Variants in TCF25 observed in about 807,000 individuals in gnomAD.
The protein encoded by TCF25 is ribosome quality control complex subunit TCF25.
In TCF25, 41 loss-of-function variants were observed where a neutral mutation model predicts 83.1. That is an observed-to-expected ratio of 0.49 (90% confidence interval 0.38 to 0.64). TCF25 has a LOEUF of 0.64. TCF25 is among the 30% of genes least tolerant of loss of function. The pLI is 0.00. For synonymous variants in TCF25, 458 were observed against 365.0 expected, an observed-to-expected ratio of 1.25 and a Z score of -2.90; for missense variants, 979 against 914.5, an observed-to-expected ratio of 1.07 and a Z score of -0.91.
chr16:89,909,675 C>CA (rs570932821), intron 16 of TCF25: 17,827 of 89,910 alleles, frequency 0.2, 1,663 homozygotes, highest in Middle Eastern at 0.44. Flanking sequence ...GACTCCATCT[C>CA]AAAAAAAAAA....
At position 89,911,230 on chromosome 16, in the gene TCF25, T is replaced by G. The variant is rs1347106912; in HGVS notation, c.2023T>G (p.Trp675Gly). ...HEDDAEGEGE[W>G]D ...GGACGACGCTGAGGGGGAGGGGGAG[T>G]GGGACTGAGCGTCCGCAGAGGTGAC... Residue 675 changes from tryptophan (W) to glycine (G), a missense_variant, in exon 18 of 18, where the codon TGG becomes GGG. Physicochemically the swap from Trp to Gly is radical, Grantham distance 184. Transcript: ENST00000263346. 3.1e-6 allele frequency: 5 copies of G among 1,610,814 alleles called. No individual in the cohort carries two copies. Among genetic ancestry groups the G allele is most frequent in the Non-Finnish European group, 4.2e-6 (5 of 1,179,588 alleles).
At chr16:89,873,973 A>T in intron 1 of TCF25, 114 bp downstream of exon 1, 1 of 1,192,666 alleles carries the variant, frequency 8.4e-7, no homozygotes, top group African/African-American at 1.7e-5. Context: ...GGGAAGGGTG[A>T]CGTGGGTCCC....
intron 7 of TCF25, 138 bp from the exon 8 acceptor site, chr16:89,894,900 C>A: frequency 1.6e-6 from 1 of 623,968 alleles, no homozygotes. Flanking sequence ...CTGCCTCAGC[C>A]TCCCAAAGTG....
chr16:89,898,801 C>G lies in TCF25; in HGVS notation c.1150C>G (p.Leu384Val). 6.2e-7 allele frequency: 1 copy of G among 1,613,954 alleles called. No individual in the cohort carries two copies. The highest frequency in any genetic ancestry group is 8.5e-7 in the Non-Finnish European group (1 of 1,180,048). ...GGATGAGGACCCCCTCTGCATGCTG[C>G]TGCTCATCGACCACCTGGCCTTGCG... The part of the protein sequence containing the change: ...EPDEDPLCML[L>V]LIDHLALRAR... Residue 384 changes from leucine (L) to valine (V), a missense_variant, in exon 11 of 18, where the codon CTG becomes GTG. Transcript: ENST00000263346.
At chr16:89,908,995 T>G in intron 16 of TCF25, 3 of 1,289,462 alleles carry the variant, frequency 2.3e-6, no homozygotes, top group Non-Finnish European at 3.0e-6. Context: ...AACAGTGTTA[T>G]TTGGGGGTCA....
chr16:89,900,806 C>G lies in TCF25; in HGVS notation c.1381+12C>G, dbSNP rs372906362. The stretch of plus-strand genomic sequence containing the variant: ...CATGTTCCCTGGAGGTGAGTGAGCG[C>G]TGTGTCTCGCCTGGGGTAGGGGTGT... On this transcript the variant is annotated intron_variant, in intron 12 of 17. Coordinates refer to ENST00000263346, the MANE Select transcript of TCF25 (RefSeq NM_014972.3). The G allele has an allele frequency of 1.9e-6, 3 of 1,562,904 alleles. No individual in the cohort carries two copies. Among genetic ancestry groups the G allele is most frequent in the Non-Finnish European group, 2.6e-6 (3 of 1,139,912 alleles).
chr16:89,898,596 G>A lies in TCF25; in HGVS notation c.1062G>A (p.Leu354=), dbSNP rs755290483. 1 of 1,609,820 alleles carries A rather than the reference G, an allele frequency of 6.2e-7. No homozygotes were observed. Among genetic ancestry groups the A allele is most frequent in the Non-Finnish European group, 8.5e-7 (1 of 1,179,688 alleles). The change falls in exon 10 of 18, where the codon CTG becomes CTA. Residue 354 remains leucine, a synonymous_variant. Coordinates refer to ENST00000263346, the MANE Select transcript of TCF25 (RefSeq NM_014972.3). ...YLALYKQMSF[L]EKRGCPRTAL... The stretch of plus-strand genomic sequence containing the variant: ...CCCTCTACAAGCAGATGAGCTTCCT[G>A]GAGAAGCGAGGCTGCCCGCGCACGG...
Position 89,873,682 on chromosome 16 carries a change from C to A in TCF25, c.15C>A (p.Ala5=). MSRR[A]LRRLRGEQRG... Reference sequence around the variant, plus strand: ...CGTTCGGTCCTATGTCGCGCCGGGCCCTCCGGAGGCTGAGGGGGGAACAGC... The same window carrying A: ...CGTTCGGTCCTATGTCGCGCCGGGCACTCCGGAGGCTGAGGGGGGAACAGC... The change falls in exon 1 of 18, where the codon GCC becomes GCA. Residue 5 remains alanine (A), a synonymous_variant. Coordinates refer to ENST00000263346, the MANE Select transcript of TCF25 (RefSeq NM_014972.3). The A allele has an allele frequency of 6.3e-7, 1 of 1,599,944 alleles. No homozygotes were observed. Among genetic ancestry groups the A allele is most frequent in the Non-Finnish European group, 8.5e-7 (1 of 1,175,894 alleles).
In TCF25 at chr16:89,900,773, G is replaced by A; in HGVS notation, c.1360G>A (p.Ala454Thr). The change falls in exon 12 of 18, where the codon GCG becomes ACG. Residue 454 changes from alanine to threonine, a missense_variant. Ala to Thr is a moderately conservative substitution (Grantham distance 58, BLOSUM62 0). Coordinates refer to ENST00000263346, the MANE Select transcript of TCF25 (RefSeq NM_014972.3). ...RQKASLLIQQ[A>T]LTMFPGVLLP... ...GAAGGCCTCTCTCCTGATACAGCAG[G>A]CGCTCACCATGTTCCCTGGAGGTGA... is the stretch of plus-strand genomic sequence containing the variant. 6.3e-7 allele frequency: 1 copy of A among 1,585,112 alleles called. No homozygotes were observed. The highest frequency in any genetic ancestry group is 1.1e-5 in the South Asian group (1 of 90,190).
intron 4 of TCF25, 102 bp downstream of exon 4, chr16:89,886,068 C>G (rs769629760): frequency 4.4e-6 from 3 of 686,826 alleles, no homozygotes; most frequent in East Asian, 7.0e-5. Context: ...GCCACAGAGA[C>G]TTCGTGGGAG....
chr16:89,900,118 T>C (rs1597356189), intron 11 of TCF25, among the ~76,000 whole-genome samples: 1 of 152,306 alleles, frequency 6.6e-6, no homozygotes, highest in East Asian at 1.9e-4. Flanking sequence ...TGTGAGTCTG[T>C]GATCCCATTT....
rs1282069512 is a variant in TCF25 at position 89,901,477 on chromosome 16, G to GAGGGGTGAGGGTTATTTGCGTGCAGCTA, written c.1381+683_1381+684insAGGGGTGAGGGTTATTTGCGTGCAGCTA. ...AGACGGGCCTCCGGCCGGGCGCGGT[G>GAGGGGTGAGGGTTATTTGCGTGCAGCTA]GCTCACGCCTGTAATCCTAGCACTT... On this transcript the variant is annotated intron_variant, in intron 12 of 17. Coordinates refer to ENST00000263346, the MANE Select transcript of TCF25 (RefSeq NM_014972.3). 5.3e-4 allele frequency among the ~76,000 whole-genome samples: 77 copies of GAGGGGTGAGGGTTATTTGCGTGCAGCTA among 146,382 alleles called. 7 individuals carry two copies. Among genetic ancestry groups the GAGGGGTGAGGGTTATTTGCGTGCAGCTA allele is most frequent in the East Asian group, 4.3e-3 (19 of 4,418 alleles).
chr16:89,900,910 C>T (rs1490009101), intron 12 of TCF25, 116 bp downstream of exon 12: 1 of 1,222,212 alleles, frequency 8.2e-7, no homozygotes, highest in Non-Finnish European at 1.1e-6. Flanking sequence ...TAGAAACATG[C>T]ATTCTCTGGT....
rs776467621 is a variant in TCF25, at chr16:89,907,277, C to G, written c.1754C>G (p.Pro585Arg). Reference sequence around the variant, plus strand: ...ACGCAGTCTGTGATGGGGTTTGATCCTCTGCCTCCTTCGGACACAATCTAC... The same window carrying G: ...ACGCAGTCTGTGATGGGGTTTGATCGTCTGCCTCCTTCGGACACAATCTAC... ...VTTQSVMGFD[P>R]LPPSDTIYSY... The change falls in exon 16 of 18, where the codon CCT becomes CGT. Residue 585 changes from proline (P) to arginine (R), a missense_variant. By Grantham distance (103) the Pro-to-Arg change is moderately radical. Coordinates refer to ENST00000263346, the MANE Select transcript of TCF25 (RefSeq NM_014972.3). The G allele has an allele frequency of 6.2e-7, 1 of 1,612,142 alleles. No individual in the cohort carries two copies. Among genetic ancestry groups the G allele is most frequent in the Non-Finnish European group, 8.5e-7 (1 of 1,179,174 alleles).
At chr16:89,907,190 A>C in intron 15 of TCF25, 53 bp from the exon 16 acceptor site, 5 of 1,562,944 alleles carry the variant, frequency 3.2e-6, no homozygotes, top group Non-Finnish European at 4.4e-6. Context: ...TGGGAGAGGT[A>C]GAGGCCCCCT....
At chr16:89,886,810 G>A (rs8058921) in intron 4 of TCF25, among the ~76,000 whole-genome samples, 6,552 of 151,932 alleles carry the variant, frequency 0.043, 472 homozygotes, top group African/African-American at 0.15. Context: ...GGTGGTGGGT[G>A]CCTGTAATCC....
intron 4 of TCF25, among the ~76,000 whole-genome samples, chr16:89,886,331 G>A (rs1281613295): frequency 2.0e-5 from 3 of 152,166 alleles, no homozygotes; most frequent in Non-Finnish European, 4.4e-5. Context: ...GGGAGGCTGA[G>A]GCAGGAGAAT....
At chr16:89,902,890 G>A (rs1305662917) in intron 12 of TCF25, among the ~76,000 whole-genome samples, 1 of 152,156 alleles carries the variant, frequency 6.6e-6, no homozygotes, top group Non-Finnish European at 1.5e-5. Context: ...TCGGTTCTGT[G>A]GGTTTCCAGG....
At chr16:89,874,312 A>G (rs1393995802) in intron 1 of TCF25, among the ~76,000 whole-genome samples, 1 of 128,616 alleles carries the variant, frequency 7.8e-6, no homozygotes, top group African/African-American at 3.1e-5. Context: ...GCGTGGCTAA[A>G]GACGGGGGGG....
Sources: gnomAD v4.1 joint callset for allele counts (sites outside exome capture counted in the v4.1 genomes callset) on GRCh38, gnomAD v4.1.1 for gene constraint, MANE v1.5 for transcripts, NCBI Gene and HGNC (gene_info 2026-07-23, HGNC 2026-07-21) for gene names.